The following GABRA5 variants were observed in gnomAD, a reference collection of about 807,000 sequenced individuals.
The protein encoded by GABRA5 is gamma-aminobutyric acid receptor subunit alpha-5.
In GABRA5, 18 loss-of-function variants were observed where a neutral mutation model predicts 47.3. That is an observed-to-expected ratio of 0.38 (90% CI 0.26 to 0.56). The LOEUF is 0.56. Among genes scored for constraint, GABRA5 ranks in the 20% least tolerant of loss-of-function variants. The probability of loss-of-function intolerance (pLI) is 0.71; values close to 1 mark genes in which losing one functional copy is unlikely to be tolerated. For missense variants in GABRA5, 365 were observed against 599.3 expected (o/e 0.61, Z 4.08); for synonymous variants, 237 against 229.3 (o/e 1.03, Z -0.30).
At chr15:26,927,455 G>C (rs1188512783) in intron 7 of GABRA5, among the ~76,000 whole-genome samples, 1 of 152,022 alleles carries the variant, frequency 6.6e-6, no homozygotes, top group Non-Finnish European at 1.5e-5. Flanking sequence ...TTCAGAGGTT[G>C]ATCATTCATT....
chr15:26,942,972 T>C (rs1595438050), intron 9 of GABRA5, among the ~76,000 whole-genome samples: 1 of 152,110 alleles, frequency 6.6e-6, no homozygotes, highest in East Asian at 1.9e-4. Context: ...TAATCCCAGC[T>C]ACTCAGGCAG....
At chr15:26,921,909 CTTTT>C (rs1893851993) in intron 7 of GABRA5, among the ~76,000 whole-genome samples, 5 of 151,920 alleles carry the variant, frequency 3.3e-5, no homozygotes. Context: ...TTTCTGTTAT[CTTTT>C]TGTCATTGAC....
chr15:26,881,060 C>G, intron 4 of GABRA5, 93 bp downstream of exon 4: 1 of 1,379,866 alleles, frequency 7.2e-7, no homozygotes, highest in Non-Finnish European at 9.7e-7. Context: ...CAAACAATTC[C>G]TAAAAGAGCT....
intron 3 of GABRA5, chr15:26,877,828 T>A (rs1892634846): frequency 2.9e-6 from 1 of 349,914 alleles, no homozygotes; most frequent in Non-Finnish European, 5.5e-6. Flanking sequence ...CAGACTAAAA[T>A]TGAAGGGTAA....
At chr15:26,930,989 A>G (rs1595430696) in intron 7 of GABRA5, among the ~76,000 whole-genome samples, 1 of 141,106 alleles carries the variant, frequency 7.1e-6, no homozygotes, top group African/African-American at 2.7e-5. Flanking sequence ...TCCACCTCCC[A>G]GGTTCAAGCA....
At chr15:26,896,314 C>T (rs1595407970) in intron 6 of GABRA5, among the ~76,000 whole-genome samples, 1 of 152,268 alleles carries the variant, frequency 6.6e-6, no homozygotes. Flanking sequence ...TTTAACCCTG[C>T]TTTAAAATCT....
chr15:26,928,551 G>A lies in GABRA5; in HGVS notation c.581-8634G>A, dbSNP rs142982409. Among the ~76,000 whole-genome samples, 92 of 152,218 alleles carry A rather than the reference G, an allele frequency of 6.0e-4. No homozygotes were observed. In the East Asian group the frequency reaches 0.013, roughly 21 times the overall value. ...GGGGCCCTTACGAGGTGATTAGGAC[G>A]TGAGGGTGGGGGGTCCTCCTGCGTG... On this transcript the variant is annotated intron_variant, in intron 7 of 10. Transcript: ENST00000335625.
At chr15:26,918,851 G>A (rs1319013147) in intron 7 of GABRA5, among the ~76,000 whole-genome samples, 1 of 151,998 alleles carries the variant, frequency 6.6e-6, no homozygotes. Flanking sequence ...TAAATCTACT[G>A]TGAGTTTCTT....
intron 6 of GABRA5, among the ~76,000 whole-genome samples, chr15:26,890,201 A>G (rs1412821967): frequency 1.3e-5 from 2 of 152,156 alleles, no homozygotes; most frequent in African/African-American, 4.8e-5. Context: ...CAAAACATAA[A>G]TTTTTGATAT....
intron 6 of GABRA5, among the ~76,000 whole-genome samples, chr15:26,902,310 ATTTT>A (rs1893346472): frequency 1.3e-5 from 2 of 151,964 alleles, no homozygotes; most frequent in Admixed American, 1.3e-4. Context: ...TCTTTAATTT[ATTTT>A]ATTAGAGTTT....
intron 7 of GABRA5, among the ~76,000 whole-genome samples, chr15:26,931,211 C>T (rs1356398645): frequency 6.6e-6 from 1 of 152,122 alleles, no homozygotes; most frequent in East Asian, 1.9e-4. Flanking sequence ...CAATTTCTAT[C>T]TGGGTTCATT....
chr15:26,906,212 GT>G (rs1456212263), intron 6 of GABRA5, among the ~76,000 whole-genome samples: 1 of 151,616 alleles, frequency 6.6e-6, no homozygotes, highest in African/African-American at 2.4e-5. Flanking sequence ...AATCTGTATT[GT>G]TTGTTCTACA....
intron 6 of GABRA5, among the ~76,000 whole-genome samples, chr15:26,906,659 C>A (rs1893451397): frequency 1.3e-5 from 2 of 152,040 alleles, no homozygotes; most frequent in African/African-American, 2.4e-5. Flanking sequence ...GAGAAAGAAC[C>A]TTTTTTGTGG....
At chr15:26,903,057 T>TG (rs1893362160) in intron 6 of GABRA5, among the ~76,000 whole-genome samples, 1 of 152,084 alleles carries the variant, frequency 6.6e-6, no homozygotes, top group African/African-American at 2.4e-5. Flanking sequence ...TTTGTCACCC[T>TG]GGTATTAAGC....
chr15:26,881,676 A>T (rs1892731624), intron 4 of GABRA5, among the ~76,000 whole-genome samples: 1 of 152,138 alleles, frequency 6.6e-6, no homozygotes, highest in African/African-American at 2.4e-5. Flanking sequence ...TTCTTGGAGG[A>T]AAAAATTTAG....
chr15:26,881,397 G>A (rs1892726454), intron 4 of GABRA5, among the ~76,000 whole-genome samples: 1 of 152,152 alleles, frequency 6.6e-6, no homozygotes. Flanking sequence ...GAAATCCACT[G>A]TGGAATGCAG....
intron 7 of GABRA5, among the ~76,000 whole-genome samples, chr15:26,926,900 T>C (rs1893973901): frequency 6.6e-6 from 1 of 152,152 alleles, no homozygotes; most frequent in African/African-American, 2.4e-5. Context: ...TAAATTTTCA[T>C]CTTTAACAAT....
chr15:26,918,265 G>C (rs1028880738), intron 7 of GABRA5, among the ~76,000 whole-genome samples: 42 of 151,970 alleles, frequency 2.8e-4, no homozygotes, highest in Non-Finnish European at 5.6e-4. Flanking sequence ...TGGCCCATTG[G>C]TTGTACAAAT....
intron 8 of GABRA5, chr15:26,939,443 C>T (rs778944954): frequency 1.6e-5 from 12 of 763,138 alleles, no homozygotes; most frequent in South Asian, 1.5e-4. Context: ...GCATCTCACT[C>T]TGCACCTGCG....
Sources: gnomAD v4.1 joint callset for allele counts (sites outside exome capture counted in the v4.1 genomes callset) on GRCh38, gnomAD v4.1.1 for gene constraint, MANE v1.5 for transcripts, NCBI Gene and HGNC (gene_info 2026-07-23, HGNC 2026-07-21) for gene names.